TMTC2: variants seen among roughly 807,000 people sequenced by gnomAD.
TMTC2 encodes transmembrane O-mannosyltransferase targeting cadherins 2, also known as protein O-mannosyl-transferase TMTC2.
A neutral mutation model predicts 82.4 loss-of-function variants in TMTC2; 43 were observed. That is an observed-to-expected ratio of 0.52 (90% CI 0.41 to 0.67). The LOEUF (loss-of-function observed/expected upper bound fraction) is 0.67. TMTC2 is among the 30% of genes least tolerant of loss of function. TMTC2 has a pLI of 0.00. For missense variants in TMTC2, 919 were observed against 1,012.4 expected (o/e 0.91, Z 1.25); for synonymous variants, 408 against 381.9 (o/e 1.07, Z -0.80).
intron 10 of TMTC2, among the ~76,000 whole-genome samples, chr12:83,061,493 G>A (rs961931524): frequency 6.6e-6 from 1 of 151,762 alleles, no homozygotes; most frequent in South Asian, 2.1e-4. Flanking sequence ...ACCTAGTTTT[G>A]CATGGAAAAG....
intron 8 of TMTC2, among the ~76,000 whole-genome samples, chr12:82,987,434 AAG>A (rs1879202194): frequency 3.3e-5 from 5 of 151,114 alleles, no homozygotes; most frequent in South Asian, 2.1e-4. Flanking sequence ...AAAAAAAAAA[AAG>A]AGAAAAAAAA....
intron 4 of TMTC2, among the ~76,000 whole-genome samples, chr12:82,932,187 A>C (rs1475295520): frequency 6.6e-6 from 1 of 152,232 alleles, no homozygotes; most frequent in Non-Finnish European, 1.5e-5. Flanking sequence ...CTAGATATTT[A>C]AGGGAAAGCA....
chr12:82,874,323 T>C (rs1187260572), intron 2 of TMTC2, among the ~76,000 whole-genome samples: 1 of 152,220 alleles, frequency 6.6e-6, no homozygotes, highest in Non-Finnish European at 1.5e-5. Flanking sequence ...CAGGAGATTT[T>C]CCTAATATGG....
rs1258878486 is a variant in TMTC2, at chr12:82,980,129, T to C, written c.1949-5796T>C. Among the ~76,000 whole-genome samples the C allele has an allele frequency of 2.0e-5, 3 of 151,778 alleles. No individual in the cohort carries two copies. In the East Asian group the frequency reaches 5.8e-4, roughly 29 times the overall value. ...ATGTAATTCGTAACTCGGTGCTGGGTCATAATTATGAATAATTTCAATAGG... is the reference window on the plus strand; with the variant it reads ...ATGTAATTCGTAACTCGGTGCTGGGCCATAATTATGAATAATTTCAATAGG... On this transcript the variant is annotated intron_variant, in intron 7 of 11. Coordinates refer to ENST00000321196, the MANE Select transcript of TMTC2 (RefSeq NM_152588.3).
intron 11 of TMTC2, among the ~76,000 whole-genome samples, chr12:83,122,411 G>T (rs988405043): frequency 2.6e-5 from 4 of 151,862 alleles, no homozygotes; most frequent in Admixed American, 6.6e-5. Context: ...TTTTCCCAGT[G>T]CCTCTGGCCA....
chr12:83,110,058 C>T (rs1884548487), intron 11 of TMTC2, among the ~76,000 whole-genome samples: 1 of 152,190 alleles, frequency 6.6e-6, no homozygotes, highest in Non-Finnish European at 1.5e-5. Flanking sequence ...TGTCATTATA[C>T]TCAGCTGACG....
At chr12:83,075,126 C>G (rs1883242942) in intron 11 of TMTC2, among the ~76,000 whole-genome samples, 1 of 152,140 alleles carries the variant, frequency 6.6e-6, no homozygotes, top group South Asian at 2.1e-4. Context: ...AGAAATTCCT[C>G]CCTCAAACAG....
intron 11 of TMTC2, among the ~76,000 whole-genome samples, chr12:83,124,584 G>A (rs1360657174): frequency 1.5e-5 from 2 of 131,830 alleles, no homozygotes; most frequent in African/African-American, 2.8e-5. Context: ...TTTTTAATGA[G>A]CAGAAGTTTG....
chr12:82,801,725 C>T (rs1181384980), intron 1 of TMTC2, among the ~76,000 whole-genome samples: 1 of 152,112 alleles, frequency 6.6e-6, no homozygotes, highest in African/African-American at 2.4e-5. Flanking sequence ...GAGCTAGACA[C>T]AGAGTGCCGA....
At chr12:82,749,882 C>T (rs1040358850) in intron 1 of TMTC2, among the ~76,000 whole-genome samples, 1 of 151,924 alleles carries the variant, frequency 6.6e-6, no homozygotes, top group Non-Finnish European at 1.5e-5. Context: ...GGATTACAGG[C>T]ATGCACCACC....
intron 3 of TMTC2, among the ~76,000 whole-genome samples, chr12:82,926,741 T>C (rs1238078018): frequency 6.6e-6 from 1 of 152,102 alleles, no homozygotes; most frequent in East Asian, 1.9e-4. Context: ...GTAGAAGCCA[T>C]TGGTCAATTA....
intron 2 of TMTC2, among the ~76,000 whole-genome samples, chr12:82,872,004 C>CT: frequency 9.7e-6 from 1 of 102,996 alleles, no homozygotes; most frequent in Non-Finnish European, 1.8e-5. Context: ...AGTTGAACAA[C>CT]ACCCCCCCCC....
At chr12:82,728,110 G>A in intron 1 of TMTC2, among the ~76,000 whole-genome samples, 1 of 127,626 alleles carries the variant, frequency 7.8e-6, no homozygotes, top group Admixed American at 7.9e-5. Flanking sequence ...CATTAGAATT[G>A]CGCACATTAG....
chr12:82,949,896 T>A (rs779629825), intron 4 of TMTC2, among the ~76,000 whole-genome samples: 25 of 152,340 alleles, frequency 1.6e-4, no homozygotes, highest in Admixed American at 3.9e-4. Context: ...TTGGTTGTGA[T>A]GCATTTCTTG....
intron 11 of TMTC2, among the ~76,000 whole-genome samples, chr12:83,088,751 T>G (rs566498509): frequency 6.6e-6 from 1 of 152,042 alleles, no homozygotes; most frequent in Non-Finnish European, 1.5e-5. Context: ...AGAACAGATA[T>G]AGTAATAATA....
chr12:82,897,182 G>A (rs553205978), intron 3 of TMTC2, among the ~76,000 whole-genome samples: 29 of 152,258 alleles, frequency 1.9e-4, no homozygotes, highest in African/African-American at 6.7e-4. Context: ...CTTTGGCTGC[G>A]CAGAGGCTGA....
chr12:82,990,642 T>C (rs1879360205), intron 8 of TMTC2, among the ~76,000 whole-genome samples: 1 of 152,122 alleles, frequency 6.6e-6, no homozygotes, highest in Non-Finnish European at 1.5e-5. Context: ...CACATACATA[T>C]GTGTCTGTTT....
At chr12:82,754,337 A>G (rs1876180445) in intron 1 of TMTC2, among the ~76,000 whole-genome samples, 1 of 152,178 alleles carries the variant, frequency 6.6e-6, no homozygotes, top group African/African-American at 2.4e-5. Context: ...GGGCTTAGAA[A>G]CTTTGTGTTA....
At chr12:83,106,923 A>G (rs903827995) in intron 11 of TMTC2, among the ~76,000 whole-genome samples, 3 of 152,252 alleles carry the variant, frequency 2.0e-5, no homozygotes, top group Non-Finnish European at 4.4e-5. Flanking sequence ...TAACTCCAGA[A>G]GGGGAATCTA....
Sources: gnomAD v4.1 joint callset for allele counts (sites outside exome capture counted in the v4.1 genomes callset) on GRCh38, gnomAD v4.1.1 for gene constraint, MANE v1.5 for transcripts, NCBI Gene and HGNC (gene_info 2026-07-23, HGNC 2026-07-21) for gene names.